Variants in CYTH1 observed in about 807,000 individuals in gnomAD.
CYTH1 encodes the protein cytohesin 1, also known as cytohesin-1.
A neutral mutation model predicts 61.8 loss-of-function variants in CYTH1; 18 were observed. The observed-to-expected ratio is 0.29, with a 90% CI of 0.20 to 0.43. CYTH1 has a LOEUF of 0.43. Among genes scored for constraint, CYTH1 ranks in the 20% least tolerant of loss-of-function variants. The pLI is 1.00. For synonymous variants in CYTH1, 174 were observed against 184.3 expected (o/e 0.94, Z 0.45); for missense variants, 336 against 510.5 (o/e 0.66, Z 3.29).
chr17:78,686,114 A>G (rs2092814124), intron 11 of CYTH1, among the ~76,000 whole-genome samples: 1 of 152,142 alleles, frequency 6.6e-6, no homozygotes, highest in Admixed American at 6.5e-5. Context: ...CTCTGGTATT[A>G]TTGGGATCGT....
intron 1 of CYTH1, among the ~76,000 whole-genome samples, chr17:78,764,003 C>T (rs1372388774): frequency 4.6e-5 from 7 of 151,696 alleles, no homozygotes; most frequent in African/African-American, 9.7e-5. Context: ...CCCAGCTACT[C>T]GGGAGGCTCA....
At chr17:78,758,965 T>G (rs2093412344) in intron 1 of CYTH1, among the ~76,000 whole-genome samples, 1 of 151,996 alleles carries the variant, frequency 6.6e-6, no homozygotes, top group African/African-American at 2.4e-5. Context: ...ATCCACGGAG[T>G]TATGGCATGT....
At chr17:78,747,225 G>C (rs2093363144) in intron 1 of CYTH1, among the ~76,000 whole-genome samples, 1 of 149,964 alleles carries the variant, frequency 6.7e-6, no homozygotes, top group Non-Finnish European at 1.5e-5. Flanking sequence ...GAGTATGCCA[G>C]GCTCGTAGAG....
At chr17:78,691,560 C>A (rs1478927925) in intron 11 of CYTH1, 2 of 152,212 alleles carry the variant, frequency 1.3e-5, no homozygotes, top group African/African-American at 2.4e-5. Context: ...CATGAAGATA[C>A]ACTTGGAGAA....
At chr17:78,752,857 T>C (rs1567875517) in intron 1 of CYTH1, among the ~76,000 whole-genome samples, 1 of 152,242 alleles carries the variant, frequency 6.6e-6, no homozygotes, top group Non-Finnish European at 1.5e-5. Flanking sequence ...TTAAAATGCC[T>C]AATTAAATAC....
At chr17:78,733,675 C>T (rs1384367) in intron 1 of CYTH1, among the ~76,000 whole-genome samples, 3 of 152,124 alleles carry the variant, frequency 2.0e-5, no homozygotes, top group East Asian at 1.9e-4. Context: ...GAATTCCAGG[C>T]GATGCCAAGA....
rs530738099 is a variant in CYTH1 at position 78,700,520 on chromosome 17, AT to A, written c.438-78del. On this transcript the variant is annotated intron_variant, in intron 6 of 13. Coordinates refer to ENST00000446868, the MANE Select transcript of CYTH1 (RefSeq NM_004762.6). This position sits in a 1 kb window ranked among gnomAD's most constrained non-coding sequence, Gnocchi z 5.1. ...TCTATGAATTGTTAAACTGCCAATG[AT>A]TTTTTTTTTCTTTTTTTTTTTGAGA... The A allele has an allele frequency of 7.3e-4, 764 of 1,047,512 alleles. No homozygotes were observed. Among genetic ancestry groups the A allele is most frequent in the Admixed American group, 1.2e-3 (39 of 32,634 alleles). 64.9% of individuals were successfully genotyped at this position (1,047,512 alleles called of 1,614,324 possible). A position where few individuals can be genotyped will look rare whatever the true frequency, so the allele number is the denominator to read the frequency against.
rs1567879455 is a variant in CYTH1, at chr17:78,760,473, ATATATATGTATG to A, written c.22+21717_22+21728del. Among the ~76,000 whole-genome samples the A allele has an allele frequency of 3.3e-3, 167 of 50,896 alleles. 10 individuals carry two copies. The highest frequency in any genetic ancestry group is 0.011 in the African/African-American group (137 of 12,620). 33.4% of individuals were successfully genotyped at this position (50,896 alleles called of 152,430 possible). ...TATATATACATACATATATATATGT[ATATATATGTATG>A]TATATATATATACATATATATGTAT... is the stretch of plus-strand genomic sequence containing the variant. On this transcript the variant is annotated intron_variant, in intron 1 of 13. Coordinates refer to ENST00000446868, the MANE Select transcript of CYTH1 (RefSeq NM_004762.6).
rs2093011770 is a variant in CYTH1 at position 78,701,741 on chromosome 17, T to C, written c.367A>G (p.Asn123Asp). ...GDYLGERDEF[N>D]IQVLHAFVEL... is the part of the protein sequence containing the mutation. ...ACAAATGCATGAAGAACCTGGATATTAAACTCATCTCTATCGAGAAAAGAC... is the reference window on the plus strand; with the variant it reads ...ACAAATGCATGAAGAACCTGGATATCAAACTCATCTCTATCGAGAAAAGAC... Residue 123 changes from asparagine (N) to aspartate (D), a missense_variant, in exon 6 of 14, where the codon AAT becomes GAT. Coordinates refer to ENST00000446868, the MANE Select transcript of CYTH1 (RefSeq NM_004762.6). The C allele has an allele frequency of 6.2e-7, 1 of 1,613,982 alleles. No individual in the cohort carries two copies.
At chr17:78,709,098 T>C (rs1057407404) in intron 2 of CYTH1, 2 of 152,454 alleles carry the variant, frequency 1.3e-5, no homozygotes, top group South Asian at 2.1e-4. Flanking sequence ...CTTGGAAAAA[T>C]TGTAATTGTA....
At position 78,674,381 on chromosome 17, in the gene CYTH1, C is replaced by A. The variant is rs2143904807; in HGVS notation, c.*1710G>T. The A allele has an allele frequency of 6.6e-6, 1 of 152,380 alleles. No individual in the cohort carries two copies. Among genetic ancestry groups the A allele is most frequent in the East Asian group, 1.9e-4 (1 of 5,178 alleles). The allele number at this position is 152,380 out of a possible 1,614,324, so 9.4% of individuals were successfully genotyped here. On this transcript the variant is annotated 3_prime_UTR_variant, in exon 14 of 14. Transcript: ENST00000446868. ...CAGCACCGGCCCAAACACGCCCAGA[C>A]CTCGGCAGGCACCACCTGGTTCTCC... is the stretch of plus-strand genomic sequence containing the variant.
chr17:78,728,094 C>G (rs528425752), intron 1 of CYTH1: 1 of 157,978 alleles, frequency 6.3e-6, no homozygotes, highest in Admixed American at 6.4e-5. Context: ...TATTCTACCC[C>G]AAACACTGGT....
intron 1 of CYTH1, among the ~76,000 whole-genome samples, chr17:78,759,799 C>T (rs1302760559): frequency 3.3e-5 from 5 of 152,152 alleles, no homozygotes; most frequent in African/African-American, 9.7e-5. Flanking sequence ...ACACTCAACA[C>T]GGGAAATGAA....
intron 13 of CYTH1, chr17:78,676,441 G>T: frequency 2.1e-6 from 1 of 472,944 alleles, no homozygotes; most frequent in South Asian, 2.6e-5. Flanking sequence ...TTTAGGAACA[G>T]AATCATACCA....
intron 1 of CYTH1, among the ~76,000 whole-genome samples, chr17:78,715,050 C>G (rs1391980017): frequency 6.6e-6 from 1 of 151,898 alleles, no homozygotes; most frequent in Non-Finnish European, 1.5e-5. Context: ...ATAAGCAAAC[C>G]TGGAAATATA....
chr17:78,692,530 C>T, intron 10 of CYTH1, 37 bp from the exon 11 acceptor site: 1 of 1,605,270 alleles, frequency 6.2e-7, no homozygotes, highest in Non-Finnish European at 8.5e-7. Context: ...CGACAAGAGA[C>T]AACCAGACAA....
intron 1 of CYTH1, among the ~76,000 whole-genome samples, chr17:78,734,432 CTTTTTT>C (rs10557033): frequency 4.8e-5 from 3 of 62,714 alleles, no homozygotes; most frequent in Admixed American, 2.4e-4. Flanking sequence ...TAAAAAAAAG[CTTTTTT>C]TTTTTTTTTT....
At chr17:78,757,757 C>T (rs1380885131) in intron 1 of CYTH1, among the ~76,000 whole-genome samples, 1 of 151,800 alleles carries the variant, frequency 6.6e-6, no homozygotes, top group Non-Finnish European at 1.5e-5. Context: ...ATGGTGAAAC[C>T]CCTTCTCTAC....
At chr17:78,690,633 T>C (rs943680584) in intron 11 of CYTH1, among the ~76,000 whole-genome samples, 2 of 151,280 alleles carry the variant, frequency 1.3e-5, no homozygotes, top group Admixed American at 6.6e-5. Flanking sequence ...GAGGCAGAGG[T>C]TGCAGTGAGC....
Sources: gnomAD v4.1 joint callset for allele counts (sites outside exome capture counted in the v4.1 genomes callset) on GRCh38, gnomAD v4.1.1 for gene constraint, Gnocchi (gnomAD v3.1) non-coding constraint, MANE v1.5 for transcripts, NCBI Gene and HGNC (gene_info 2026-07-23, HGNC 2026-07-21) for gene names.